Variants in CCDC192 observed in about 807,000 individuals in gnomAD.
The protein encoded by CCDC192 is coiled-coil domain containing 192.
intron 2 of CCDC192, among the ~76,000 whole-genome samples, chr5:127,751,235 T>C (rs1754146598): frequency 6.6e-6 from 1 of 152,186 alleles, no homozygotes; most frequent in Admixed American, 6.5e-5. Flanking sequence ...CTTGGCATGA[T>C]TTTGCAGCAG....
intron 5 of CCDC192, among the ~76,000 whole-genome samples, chr5:127,841,017 G>C (rs1294073586): frequency 6.6e-6 from 1 of 152,150 alleles, no homozygotes; most frequent in Non-Finnish European, 1.5e-5. Context: ...GTTTTGTATA[G>C]AACAAATCTT....
At chr5:127,728,784 G>GT (rs1442686875) in intron 2 of CCDC192, among the ~76,000 whole-genome samples, 1 of 152,216 alleles carries the variant, frequency 6.6e-6, no homozygotes, top group Admixed American at 6.5e-5. Flanking sequence ...CCATCAGTGT[G>GT]TTGTATTCAA....
intron 2 of CCDC192, among the ~76,000 whole-genome samples, chr5:127,731,570 C>A (rs935772314): frequency 6.6e-6 from 1 of 152,148 alleles, no homozygotes; most frequent in African/African-American, 2.4e-5. Flanking sequence ...CAATTCTAAG[C>A]AAACAGAGCA....
intron 3 of CCDC192, among the ~76,000 whole-genome samples, chr5:127,782,983 A>G (rs913035580): frequency 2.7e-5 from 4 of 145,934 alleles, no homozygotes; most frequent in African/African-American, 7.6e-5. Flanking sequence ...CCTTTGCTGT[A>G]TCTTAGAGGT....
chr5:127,919,866 A>G (rs745922072), intron 6 of CCDC192, among the ~76,000 whole-genome samples: 3 of 152,090 alleles, frequency 2.0e-5, no homozygotes, highest in Non-Finnish European at 4.4e-5. Flanking sequence ...ACTACAGTGG[A>G]TAGATGCACT....
At position 127,706,525 on chromosome 5, in the gene CCDC192, GAAAAAAA is replaced by G. The variant is rs1224118510; in HGVS notation, c.63-1168_63-1162del. ...GGTGACAGAGCAAGACTCCATCTCA[GAAAAAAA>G]AAAAAAAAAAAAAAAGTAAGGCTTT... is the stretch of plus-strand genomic sequence containing the variant. On this transcript the variant is annotated intron_variant, in intron 1 of 6. Coordinates refer to ENST00000514853, the MANE Select transcript of CCDC192 (RefSeq NM_001317938.2). Among the ~76,000 whole-genome samples, 11 of 60,284 alleles carry G rather than the reference GAAAAAAA, an allele frequency of 1.8e-4. No individual in the cohort carries two copies. In the East Asian group the frequency reaches 2.3e-3, roughly 13 times the overall value. The allele number at this position is 60,284 out of a possible 152,430, so 39.5% of individuals were successfully genotyped here.
In CCDC192 at chr5:127,720,513, G is replaced by A. The variant is rs1751957243; in HGVS notation, c.114+12753G>A. On this transcript the variant is annotated intron_variant, in intron 2 of 6. Coordinates refer to ENST00000514853, the MANE Select transcript of CCDC192 (RefSeq NM_001317938.2). ...CAGCTTTTCCAGGGGCACGGTGCAA[G>A]CTGTTGGTGGATCTACCATGCTGGG... 2.0e-5 allele frequency among the ~76,000 whole-genome samples: 3 copies of A among 152,342 alleles called. No homozygotes were observed. The South Asian group carries it at 6.2e-4, about 32-fold the overall frequency.
chr5:127,856,928 GA>G (rs1427280586), intron 5 of CCDC192, among the ~76,000 whole-genome samples: 6 of 152,270 alleles, frequency 3.9e-5, no homozygotes, highest in Admixed American at 2.6e-4. Flanking sequence ...TGAAAAGTCT[GA>G]AATATTACAA....
intron 5 of CCDC192, among the ~76,000 whole-genome samples, chr5:127,861,591 G>C (rs1205685093): frequency 6.6e-6 from 1 of 151,992 alleles, no homozygotes; most frequent in Non-Finnish European, 1.5e-5. Flanking sequence ...AGAGGTGGAG[G>C]TTGCGGTGAG....
At chr5:127,871,398 A>C (rs1187240867) in intron 5 of CCDC192, among the ~76,000 whole-genome samples, 1 of 152,186 alleles carries the variant, frequency 6.6e-6, no homozygotes, top group Non-Finnish European at 1.5e-5. Flanking sequence ...TCAATTCTTC[A>C]CTAAAACACT....
At chr5:127,778,707 G>T (rs115600714) in intron 3 of CCDC192, among the ~76,000 whole-genome samples, 161 of 152,198 alleles carry the variant, frequency 1.1e-3, no homozygotes, top group African/African-American at 2.9e-3. Flanking sequence ...ATATACCAGT[G>T]AAACCAACTG....
chr5:127,918,052 G>A (rs1419034390), intron 6 of CCDC192, among the ~76,000 whole-genome samples: 5 of 151,890 alleles, frequency 3.3e-5, no homozygotes, highest in African/African-American at 7.3e-5. Flanking sequence ...GGAGGATCAC[G>A]TGAGTCCAGG....
chr5:127,796,741 T>C (rs1757186109), intron 3 of CCDC192, among the ~76,000 whole-genome samples: 1 of 152,202 alleles, frequency 6.6e-6, no homozygotes, highest in East Asian at 1.9e-4. Context: ...AAAGACCATA[T>C]ATAAGCCAGA....
intron 5 of CCDC192, chr5:127,857,555 C>T (rs1036217378): frequency 2.0e-5 from 3 of 152,074 alleles, no homozygotes; most frequent in East Asian, 1.9e-4. Context: ...GATATACATA[C>T]GTACATATTT....
intron 6 of CCDC192, chr5:127,940,752 A>AT (rs958022989): frequency 1.3e-5 from 2 of 152,488 alleles, no homozygotes; most frequent in African/African-American, 4.8e-5. Context: ...TCCGGCCCTC[A>AT]TTTTTTATTT....
chr5:127,708,885 T>C (rs1307609537), intron 2 of CCDC192, among the ~76,000 whole-genome samples: 1 of 151,968 alleles, frequency 6.6e-6, no homozygotes, highest in African/African-American at 2.4e-5. Flanking sequence ...TCCGTTGGAA[T>C]CCCGGCATCA....
At chr5:127,864,290 G>C (rs182944699) in intron 5 of CCDC192, among the ~76,000 whole-genome samples, 1 of 152,274 alleles carries the variant, frequency 6.6e-6, no homozygotes, top group African/African-American at 2.4e-5. Flanking sequence ...ACTCTGGGAA[G>C]TTGTGACACC....
chr5:127,779,304 A>T (rs1561483607), intron 3 of CCDC192, among the ~76,000 whole-genome samples: 1 of 151,480 alleles, frequency 6.6e-6, no homozygotes, highest in East Asian at 1.9e-4. Flanking sequence ...CTATGTAAAA[A>T]TTTTTTTTTG....
chr5:127,747,441 A>AT (rs1469481153), intron 2 of CCDC192, among the ~76,000 whole-genome samples: 1 of 152,016 alleles, frequency 6.6e-6, no homozygotes, highest in East Asian at 1.9e-4. Flanking sequence ...TGAACTCATC[A>AT]TTTTTTATGG....
Sources: gnomAD v4.1 joint callset for allele counts (sites outside exome capture counted in the v4.1 genomes callset) on GRCh38, gnomAD v4.1.1 for gene constraint, MANE v1.5 for transcripts, NCBI Gene and HGNC (gene_info 2026-07-23, HGNC 2026-07-21) for gene names.